The following PTPRD variants were observed in gnomAD, a reference collection of about 807,000 sequenced individuals.
PTPRD encodes protein tyrosine phosphatase receptor type D, also known as receptor-type tyrosine-protein phosphatase delta.
In PTPRD, 34 loss-of-function variants were observed where a neutral mutation model predicts 214.5. The ratio of observed to expected loss-of-function variants is 0.16; its 90% confidence interval spans 0.12 to 0.21. PTPRD has a LOEUF of 0.21. PTPRD is among the 10% of genes least tolerant of loss of function. The pLI, the probability that PTPRD is intolerant of heterozygous loss-of-function variation, is 1.00. For missense variants in PTPRD, 2,545 were observed against 2,398.7 expected (o/e 1.06, Z -1.27); for synonymous variants, 1,128 against 845.7 (o/e 1.33, Z -5.79).
At chr9:8,845,315 T>C (rs2254373) in intron 11 of PTPRD, among the ~76,000 whole-genome samples, 122,406 of 152,204 alleles carry the variant, frequency 0.8, 49,497 homozygotes, top group Middle Eastern at 0.89. Flanking sequence ...TTTCCTTCAG[T>C]CAGTGTCCTA....
intron 3 of PTPRD, among the ~76,000 whole-genome samples, chr9:10,292,393 T>C (rs1434853007): frequency 3.3e-5 from 5 of 152,026 alleles, no homozygotes; most frequent in Admixed American, 6.6e-5. Context: ...TAAAAATATA[T>C]ACAATGGATC....
chr9:9,288,873 A>ACTTTTCCTC (rs1023314576), intron 9 of PTPRD, among the ~76,000 whole-genome samples: 16 of 151,676 alleles, frequency 1.1e-4, no homozygotes, highest in Admixed American at 9.9e-4. Flanking sequence ...TTTATAAGGG[A>ACTTTTCCTC]CTTTTCCTCC....
intron 3 of PTPRD, among the ~76,000 whole-genome samples, chr9:10,054,981 TAAAAGAAAGAAA>T (rs1567356406): frequency 6.8e-6 from 1 of 147,574 alleles, no homozygotes; most frequent in Non-Finnish European, 1.5e-5. Context: ...GTGTCCATAT[TAAAAGAAAGAAA>T]AAAAGAAAGA....
At chr9:8,587,756 G>A (rs1220295184) in intron 14 of PTPRD, among the ~76,000 whole-genome samples, 2 of 152,146 alleles carry the variant, frequency 1.3e-5, no homozygotes, top group African/African-American at 4.8e-5. Flanking sequence ...TGAAACATGT[G>A]TTACAAGAAA....
chr9:9,275,966 A>G (rs148717782), intron 9 of PTPRD, among the ~76,000 whole-genome samples: 1 of 151,384 alleles, frequency 6.6e-6, no homozygotes, highest in East Asian at 2.0e-4. Flanking sequence ...GAAGAAAAGA[A>G]ATGGAGAAGA....
At chr9:9,865,805 T>G (rs962402319) in intron 5 of PTPRD, among the ~76,000 whole-genome samples, 1 of 152,196 alleles carries the variant, frequency 6.6e-6, no homozygotes, top group East Asian at 1.9e-4. Flanking sequence ...AAAGTAACAT[T>G]CCATTTTAGC....
chr9:9,740,319 G>C (rs1388936550), intron 6 of PTPRD, among the ~76,000 whole-genome samples: 1 of 151,608 alleles, frequency 6.6e-6, no homozygotes, highest in Non-Finnish European at 1.5e-5. Context: ...TTGTTCAACA[G>C]ATACTATTAT....
At chr9:9,602,661 A>G (rs2093862685) in intron 7 of PTPRD, among the ~76,000 whole-genome samples, 1 of 152,114 alleles carries the variant, frequency 6.6e-6, no homozygotes, top group Non-Finnish European at 1.5e-5. Context: ...TAGATATACA[A>G]GCATTCTTTT....
At chr9:8,968,556 T>C (rs2099215030) in intron 11 of PTPRD, among the ~76,000 whole-genome samples, 1 of 152,070 alleles carries the variant, frequency 6.6e-6, no homozygotes, top group Non-Finnish European at 1.5e-5. Context: ...CTCAGTGTTA[T>C]TTATGTATTA....
At chr9:9,970,369 G>C (rs1049929046) in intron 4 of PTPRD, among the ~76,000 whole-genome samples, 4 of 145,776 alleles carry the variant, frequency 2.7e-5, no homozygotes, top group African/African-American at 5.2e-5. Flanking sequence ...AGAATGGCGT[G>C]AACCCGGGAG....
intron 3 of PTPRD, among the ~76,000 whole-genome samples, chr9:10,241,476 C>G (rs576864487): frequency 6.6e-6 from 1 of 151,698 alleles, no homozygotes; most frequent in African/African-American, 2.4e-5. Context: ...AATGGAAAAC[C>G]AAATTATAGT....
intron 3 of PTPRD, among the ~76,000 whole-genome samples, chr9:10,063,017 GA>G (rs1291253345): frequency 2.0e-5 from 3 of 152,034 alleles, no homozygotes; most frequent in Non-Finnish European, 4.4e-5. Context: ...TGTGGAAACA[GA>G]ACACCAATAT....
intron 7 of PTPRD, among the ~76,000 whole-genome samples, chr9:9,590,889 T>C (rs1004825588): frequency 1.3e-5 from 2 of 152,090 alleles, no homozygotes; most frequent in African/African-American, 4.8e-5. Flanking sequence ...GAAAGTCATT[T>C]GCTTTGGGTA....
At chr9:9,154,949 C>G (rs1043185100) in intron 10 of PTPRD, among the ~76,000 whole-genome samples, 2 of 152,108 alleles carry the variant, frequency 1.3e-5, no homozygotes, top group Non-Finnish European at 2.9e-5. Flanking sequence ...CTCTTATTTT[C>G]TGTCTTGTGT....
intron 43 of PTPRD, among the ~76,000 whole-genome samples, chr9:8,337,805 G>C (rs1203310197): frequency 6.6e-6 from 1 of 152,006 alleles, no homozygotes; most frequent in East Asian, 1.9e-4. Flanking sequence ...GGAATAGTTG[G>C]TGAGTTTACT....
intron 11 of PTPRD, among the ~76,000 whole-genome samples, chr9:8,760,310 T>C (rs555532340): frequency 9.8e-5 from 15 of 152,326 alleles, no homozygotes; most frequent in South Asian, 6.2e-4. Context: ...TTCCTTATTA[T>C]AGTATCTAAA....
intron 11 of PTPRD, among the ~76,000 whole-genome samples, chr9:8,905,509 C>T (rs915014980): frequency 4.6e-5 from 7 of 151,840 alleles, no homozygotes; most frequent in African/African-American, 1.2e-4. Context: ...GAGGTTGAGG[C>T]GGGCGGATTA....
intron 2 of PTPRD, among the ~76,000 whole-genome samples, chr9:10,508,206 C>T (rs1401910436): frequency 6.6e-6 from 1 of 152,138 alleles, no homozygotes; most frequent in African/African-American, 2.4e-5. Flanking sequence ...TGCTCATCAG[C>T]ACTGGCCATC....
intron 3 of PTPRD, among the ~76,000 whole-genome samples, chr9:10,235,807 TGACCTACAATAG>T (rs1384028914): frequency 6.6e-6 from 1 of 152,034 alleles, no homozygotes; most frequent in East Asian, 1.9e-4. Flanking sequence ...AAAATGAAAA[TGACCTACAATAG>T]GACCACTTAA....
Sources: gnomAD v4.1 joint callset for allele counts (sites outside exome capture counted in the v4.1 genomes callset) on GRCh38, gnomAD v4.1.1 for gene constraint, MANE v1.5 for transcripts, NCBI Gene and HGNC (gene_info 2026-07-23, HGNC 2026-07-21) for gene names.